PAH: variants seen among roughly 807,000 people sequenced by gnomAD.
PAH encodes phenylalanine hydroxylase, also known as phenylalanine-4-hydroxylase.
Under a neutral mutation model 62.0 loss-of-function variants are expected in PAH, and 64 were observed. The observed-to-expected ratio is 1.03, with a 90% CI of 0.84 to 1.27. The LOEUF (loss-of-function observed/expected upper bound fraction) is 1.27, where lower values mean the gene tolerates loss of function less well. PAH is among the 50% of genes most tolerant of loss of function. The pLI is 0.00. For synonymous variants in PAH, 195 were observed against 196.2 expected, an observed-to-expected ratio of 0.99 and a Z score of 0.05; for missense variants, 579 against 542.8, an observed-to-expected ratio of 1.07 and a Z score of -0.66.
intron 4 of PAH, among the ~76,000 whole-genome samples, chr12:102,869,006 A>G (rs1418855733): frequency 1.3e-5 from 2 of 152,196 alleles, no homozygotes; most frequent in Admixed American, 6.5e-5. Flanking sequence ...CCATTTGCCT[A>G]AAGGCCCAAA....
At chr12:102,947,871 C>A (rs1307724338) in intron 1 of PAH, among the ~76,000 whole-genome samples, 1 of 152,168 alleles carries the variant, frequency 6.6e-6, no homozygotes, top group Admixed American at 6.5e-5. Context: ...TGGACCCAGA[C>A]TACAGTTCCA....
chr12:102,901,112 C>A (rs931197003), intron 2 of PAH, among the ~76,000 whole-genome samples: 1 of 152,128 alleles, frequency 6.6e-6, no homozygotes, highest in African/African-American at 2.4e-5. Flanking sequence ...GGGGATTGGT[C>A]ACAAGTAAAT....
chr12:102,889,406 G>C (rs1339998843), intron 3 of PAH, among the ~76,000 whole-genome samples: 6 of 34,994 alleles, frequency 1.7e-4, no homozygotes, highest in African/African-American at 8.6e-4. Context: ...AGACAACATA[G>C]ATAGATAGAT....
Position 102,848,989 on chromosome 12 carries a change from CT to C in PAH, c.913-2039del, listed in dbSNP as rs138597050. Among the ~76,000 whole-genome samples, 558 of 152,018 alleles carry C rather than the reference CT, an allele frequency of 3.7e-3. 4 individuals are homozygous for C. Among genetic ancestry groups the C allele is most frequent in the African/African-American group, 0.013 (528 of 41,454 alleles). On this transcript the variant is annotated intron_variant, in intron 8 of 12. Coordinates refer to ENST00000553106, the MANE Select transcript of PAH (RefSeq NM_000277.3). ...ATGGGACACCAGGAGACTGGAGAGG[CT>C]GAGTGTAGACAGAACACATGGAGAC...
intron 1 of PAH, among the ~76,000 whole-genome samples, chr12:102,928,892 A>T (rs897405821): frequency 2.6e-5 from 4 of 152,130 alleles, no homozygotes; most frequent in Non-Finnish European, 5.9e-5. Context: ...AGGTTCTATG[A>T]TTATAACTGC....
rs148945488 is a variant in PAH at position 102,927,269 on chromosome 12, T to C, written c.-95-10044A>G. 6.2e-3 allele frequency among the ~76,000 whole-genome samples: 923 copies of C among 148,756 alleles called. 13 individuals are homozygous for C. The highest frequency in any genetic ancestry group is 7.7e-3 in the Non-Finnish European group (519 of 67,490). The stretch of plus-strand genomic sequence containing the variant: ...TCACCAGGTCAATTCATACACTACA[T>C]CTTCAAAAAAGTTTTTTTTTTTTTT... On this transcript the variant is annotated intron_variant, in intron 1 of 3. Transcript: ENST00000546844.
chr12:102,946,849 C>G (rs1879516459), intron 1 of PAH: 1 of 152,122 alleles, frequency 6.6e-6, no homozygotes, highest in Admixed American at 6.5e-5. Flanking sequence ...CCATCCTGTT[C>G]CCCTGTTCTG....
chr12:102,910,385 T>G (rs1396071789), intron 2 of PAH, among the ~76,000 whole-genome samples: 14 of 149,410 alleles, frequency 9.4e-5, no homozygotes, highest in South Asian at 2.1e-4. Context: ...TTTTTTTTTT[T>G]TTGGGGAGGG....
chr12:102,885,165 G>C (rs1054789955), intron 3 of PAH, among the ~76,000 whole-genome samples: 8 of 152,100 alleles, frequency 5.3e-5, no homozygotes, highest in Non-Finnish European at 8.8e-5. Flanking sequence ...AAGATCCCTA[G>C]GACAGCCTTG....
intron 11 of PAH, among the ~76,000 whole-genome samples, chr12:102,842,385 G>A (rs1874629449): frequency 6.6e-6 from 1 of 152,206 alleles, no homozygotes; most frequent in Admixed American, 6.5e-5. Context: ...CACACCAAGT[G>A]GATTTGTGGG....
intron 1 of PAH, among the ~76,000 whole-genome samples, chr12:102,943,422 G>C (rs1879366612): frequency 6.6e-6 from 1 of 152,126 alleles, no homozygotes; most frequent in Non-Finnish European, 1.5e-5. Flanking sequence ...AAATGTAGCA[G>C]ATGTTGGTGA....
intron 3 of PAH, among the ~76,000 whole-genome samples, chr12:102,893,171 G>A (rs753127051): frequency 2.6e-5 from 4 of 152,144 alleles, no homozygotes; most frequent in African/African-American, 4.8e-5. Context: ...AGGCTGAGGC[G>A]GGTGGTTCAC....
At chr12:102,940,040 C>T (rs1402955141) in intron 1 of PAH, among the ~76,000 whole-genome samples, 1 of 152,214 alleles carries the variant, frequency 6.6e-6, no homozygotes, top group African/African-American at 2.4e-5. Flanking sequence ...GTGCCATCTA[C>T]TGAACTGCAG....
chr12:102,842,207 C>T (rs1274655177), intron 11 of PAH, among the ~76,000 whole-genome samples: 5 of 152,156 alleles, frequency 3.3e-5, no homozygotes, highest in Non-Finnish European at 1.5e-5. Context: ...GGGTGCTCAT[C>T]AGCACTGCCT....
intron 1 of PAH, among the ~76,000 whole-genome samples, chr12:102,928,031 G>T (rs899531838): frequency 1.9e-4 from 29 of 152,070 alleles, no homozygotes; most frequent in African/African-American, 6.8e-4. Context: ...CATTCCTTCT[G>T]GAAAGAGAGA....
chr12:102,882,769 G>A (rs1592972126), intron 3 of PAH, among the ~76,000 whole-genome samples: 3 of 150,250 alleles, frequency 2.0e-5, no homozygotes, highest in South Asian at 2.1e-4. Context: ...CACTTATTTC[G>A]TTGTGTAACT....
At position 102,894,790 on chromosome 12, in the gene PAH, C is replaced by T. The variant is rs1437421009; in HGVS notation, c.297G>A (p.Arg99=). 1 of 1,614,014 alleles carries T rather than the reference C, an allele frequency of 6.2e-7. No homozygotes were observed. The highest frequency in any genetic ancestry group is 1.7e-5 in the Admixed American group (1 of 60,014). The change falls in exon 3 of 13, where the codon AGG becomes AGA. Residue 99 remains arginine (R), a synonymous_variant. Transcript: ENST00000553106. ...PALTNIIKIL[R]HDIGATVHEL... is the part of the protein sequence containing the mutation. ...CATGGACAGTGGCACCAATGTCATG[C>T]CTCAAGATCTTGATGATGTTTGTCA...
At chr12:102,875,542 C>G (rs1876525810) in intron 4 of PAH, among the ~76,000 whole-genome samples, 1 of 152,112 alleles carries the variant, frequency 6.6e-6, no homozygotes, top group Non-Finnish European at 1.5e-5. Context: ...CTAAGAGGCC[C>G]CAGACAGAGA....
rs573940903 is a variant in PAH, at chr12:102,894,757, T to C, written c.330A>G (p.Ser110=). 396 of 1,614,152 alleles carry C rather than the reference T, an allele frequency of 2.5e-4. 5 individuals are homozygous for C. The highest frequency in any genetic ancestry group is 3.4e-6 in the Non-Finnish European group (4 of 1,179,996). ...HDIGATVHEL[S]RDKKKDTVPW... ...TACCTGTGTCTTTCTTCTTATCTCG[T>C]GAAAGCTCATGGACAGTGGCACCAA... Residue 110 remains serine, a synonymous_variant, in exon 3 of 13, where the codon TCA becomes TCG. Coordinates refer to ENST00000553106, the MANE Select transcript of PAH (RefSeq NM_000277.3).
Sources: allele counts gnomAD v4.1 joint callset (sites outside exome capture counted in the v4.1 genomes callset), GRCh38; gene constraint gnomAD v4.1.1; transcripts MANE v1.5; gene names NCBI Gene and HGNC (gene_info 2026-07-23, HGNC 2026-07-21).